ZNF730: variants seen among roughly 807,000 people sequenced by gnomAD.
The protein encoded by ZNF730 is putative zinc finger protein 730.
Under a neutral mutation model 12.6 loss-of-function variants are expected in ZNF730, and 12 were observed. That is an observed-to-expected ratio of 0.95 (90% CI 0.61 to 1.54). The LOEUF is 1.54. Ranked by LOEUF, ZNF730 falls within the 40% of genes most tolerant of loss-of-function variation. The pLI is 0.00. For missense variants in ZNF730, 643 were observed against 583.5 expected, an observed-to-expected ratio of 1.10 and a Z score of -1.05; for synonymous variants, 194 against 195.8, an observed-to-expected ratio of 0.99 and a Z score of 0.08.
At chr19:23,114,253 A>G (rs1970487986), upstream of ZNF730, among the ~76,000 whole-genome samples, 1 of 151,844 alleles carries the variant, frequency 6.6e-6, no homozygotes, top group African/African-American at 2.4e-5. Context: ...CTCTTTGCCC[A>G]ATAAAACTCT....
chr19:23,087,949 C>T (rs1052927309), intron 1 of ZNF730, among the ~76,000 whole-genome samples: 5 of 151,752 alleles, frequency 3.3e-5, no homozygotes, highest in East Asian at 1.9e-4. Context: ...TCTTGTTACC[C>T]GGACCAGAAG....
intron 1 of ZNF730, among the ~76,000 whole-genome samples, chr19:23,099,374 C>T (rs1261413152): frequency 2.6e-5 from 4 of 152,172 alleles, no homozygotes. Context: ...TCAAATGGTA[C>T]AGAGAGTGTC....
rs543053506 is a variant in ZNF730 at position 23,133,450 on chromosome 19, G to A, written c.4-630G>A. Among the ~76,000 whole-genome samples the A allele has an allele frequency of 1.8e-4, 28 of 152,110 alleles. No homozygotes were observed. In the East Asian group the frequency reaches 2.9e-3, roughly 16 times the overall value. On this transcript the variant is annotated intron_variant, in intron 1 of 3. Coordinates refer to ENST00000597761, the MANE Select transcript of ZNF730 (RefSeq NM_001277403.2). ...TCTGTTTCCCAGGTTCAAGCAATTC[G>A]CCTGCCTCAGCCTTCCCGAGTAGCT...
intron 1 of ZNF730, among the ~76,000 whole-genome samples, chr19:23,130,405 A>T (rs1217137160): frequency 1.3e-5 from 2 of 152,164 alleles, no homozygotes; most frequent in Non-Finnish European, 2.9e-5. Flanking sequence ...AGTCTCAGGT[A>T]TGTCTTTATC....
chr19:23,128,389 A>T, intron 1 of ZNF730: 1 of 460,924 alleles, frequency 2.2e-6, no homozygotes, highest in Non-Finnish European at 4.1e-6. Context: ...GATGCATAAG[A>T]AAGCTCATGC....
chr19:23,118,966 TAAAAAG>T (rs1970565260), intron 1 of ZNF730, among the ~76,000 whole-genome samples: 1 of 152,206 alleles, frequency 6.6e-6, no homozygotes, highest in African/African-American at 2.4e-5. Context: ...CTAAATTTTA[TAAAAAG>T]AAAAAGAATC....
At position 23,133,026 on chromosome 19, in the gene ZNF730, TTGA is replaced by T. The variant is rs1409109121; in HGVS notation, c.4-1052_4-1050del. On this transcript the variant is annotated intron_variant, in intron 1 of 3. Transcript: ENST00000597761. The stretch of plus-strand genomic sequence containing the variant: ...ATCATAAAAATTTGCCTTAGTCCAG[TTGA>T]TATTAGTAACTCACTTGATTAATGA... 5.3e-5 allele frequency among the ~76,000 whole-genome samples: 8 copies of T among 152,338 alleles called. No homozygotes were observed. The East Asian group carries it at 1.5e-3, about 29-fold the overall frequency.
intron 1 of ZNF730, among the ~76,000 whole-genome samples, chr19:23,105,176 G>A (rs191065791): frequency 6.7e-6 from 1 of 149,572 alleles, no homozygotes; most frequent in Admixed American, 6.7e-5. Context: ...GGAGTGCAGT[G>A]GCACAATCTC....
upstream of ZNF730, among the ~76,000 whole-genome samples, chr19:23,116,345 CCTTA>C (rs1970522486): frequency 1.7e-5 from 2 of 115,492 alleles, no homozygotes; most frequent in African/African-American, 6.9e-5. Flanking sequence ...TCCTTTCTTT[CCTTA>C]TTTCTTTTCT....
intron 1 of ZNF730, among the ~76,000 whole-genome samples, chr19:23,098,618 G>C (rs1021483605): frequency 6.6e-6 from 1 of 152,084 alleles, no homozygotes; most frequent in Non-Finnish European, 1.5e-5. Flanking sequence ...CATAGTGCAG[G>C]GTCCAGCCAC....
chr19:23,080,490 T>C (rs529656681), intron 1 of ZNF730, among the ~76,000 whole-genome samples: 1 of 151,900 alleles, frequency 6.6e-6, no homozygotes, highest in Admixed American at 6.6e-5. Flanking sequence ...ATTCTCTACC[T>C]CAGCCTTCTG....
At chr19:23,140,943 T>A (rs543716281) in intron 3 of ZNF730, among the ~76,000 whole-genome samples, 46 of 151,488 alleles carry the variant, frequency 3.0e-4, no homozygotes, top group Non-Finnish European at 6.3e-4. Flanking sequence ...CAGAGCGAGA[T>A]TCTGTCTCAA....
chr19:23,141,364 C>G (rs1970916626), intron 3 of ZNF730, among the ~76,000 whole-genome samples: 1 of 148,600 alleles, frequency 6.7e-6, no homozygotes, highest in South Asian at 2.2e-4. Flanking sequence ...CACTGCACTC[C>G]AACGTGGGTG....
At chr19:23,116,981 G>T, upstream of ZNF730, 3 of 831,112 alleles carry the variant, frequency 3.6e-6, no homozygotes, top group Middle Eastern at 4.1e-4. Flanking sequence ...GTCCAATCAG[G>T]CCCGCAGCTG....
At chr19:23,093,223 G>C (rs1052821955) in intron 1 of ZNF730, among the ~76,000 whole-genome samples, 1 of 152,044 alleles carries the variant, frequency 6.6e-6, no homozygotes, top group Non-Finnish European at 1.5e-5. Context: ...TGATCCACTC[G>C]CCTTGGCCTC....
intron 1 of ZNF730, among the ~76,000 whole-genome samples, chr19:23,118,008 G>A (rs1970554155): frequency 6.6e-6 from 1 of 151,908 alleles, no homozygotes; most frequent in African/African-American, 2.4e-5. Context: ...CTCAAACGGG[G>A]TCTCAAGTCT....
rs201082444 is a variant in ZNF730, at chr19:23,119,840, A to AT, written c.3+2664_3+2665insT. On this transcript the variant is annotated intron_variant, in intron 1 of 3. Coordinates refer to ENST00000597761, the MANE Select transcript of ZNF730 (RefSeq NM_001277403.2). ...CAAAAATAAATAAATAAATAAATAA[A>AT]AAGAATGATGCTGCTTTTATATAAT... 5.6e-4 allele frequency among the ~76,000 whole-genome samples: 85 copies of AT among 152,210 alleles called. No homozygotes were observed. The East Asian group carries it at 0.015, about 28-fold the overall frequency.
chr19:23,129,698 G>T (rs1193112987), intron 1 of ZNF730, among the ~76,000 whole-genome samples: 2 of 151,778 alleles, frequency 1.3e-5, no homozygotes, highest in Non-Finnish European at 2.9e-5. Context: ...ATGCTGAAAT[G>T]AGTTAAGACT....
At chr19:23,121,668 G>A (rs995711070) in intron 1 of ZNF730, among the ~76,000 whole-genome samples, 1 of 152,122 alleles carries the variant, frequency 6.6e-6, no homozygotes, top group South Asian at 2.1e-4. Context: ...TGCGTGCATG[G>A]ATTTTTAATA....
Sources: gnomAD v4.1 joint callset for allele counts (sites outside exome capture counted in the v4.1 genomes callset) on GRCh38, gnomAD v4.1.1 for gene constraint, MANE v1.5 for transcripts, NCBI Gene and HGNC (gene_info 2026-07-23, HGNC 2026-07-21) for gene names.